PINX1: variants seen among roughly 807,000 people sequenced by gnomAD.
The protein encoded by PINX1 is PIN2 (TERF1) interacting telomerase inhibitor 1.
In PINX1, 34 loss-of-function variants were observed where a neutral mutation model predicts 25.4. The observed-to-expected ratio is 1.34, with a 90% CI of 1.02 to 1.78. PINX1 has a LOEUF of 1.78. PINX1 is among the 40% of genes most tolerant of loss of function. The probability of loss-of-function intolerance (pLI) is 0.00; values close to 1 mark genes in which losing one functional copy is unlikely to be tolerated. For synonymous variants in PINX1, 197 were observed against 147.7 expected (o/e 1.33, Z -2.42); for missense variants, 592 against 404.9 (o/e 1.46, Z -3.97).
intron 5 of PINX1, among the ~76,000 whole-genome samples, chr8:10,822,983 G>C (rs142880127): frequency 1.3e-5 from 2 of 152,268 alleles, no homozygotes; most frequent in East Asian, 1.9e-4. Context: ...CAAACACACA[G>C]AACTGGCAGT....
In PINX1 at chr8:10,839,744, C is replaced by A. The variant is rs373290895; in HGVS notation, c.13G>T (p.Ala5Ser). Reference sequence around the variant, plus strand: ...CTCCGCTTCCGACACTCACGTTCAGCCAGCATAGACATGTCGGAGAGCCTG... The same window carrying A: ...CTCCGCTTCCGACACTCACGTTCAGACAGCATAGACATGTCGGAGAGCCTG... Reference protein sequence around the residue: MSMLAERRRKQKWAV... With the variant: MSMLSERRRKQKWAV... The change falls in exon 1 of 7, where the codon GCT becomes TCT. Residue 5 changes from alanine to serine, a missense_variant. Coordinates refer to ENST00000314787, the MANE Select transcript of PINX1 (RefSeq NM_017884.6). The A allele has an allele frequency of 1.2e-6, 2 of 1,605,620 alleles. No individual in the cohort carries two copies. The highest frequency in any genetic ancestry group is 2.7e-5 in the African/African-American group (2 of 74,750).
At chr8:10,774,560 C>T (rs919062548) in intron 6 of PINX1, among the ~76,000 whole-genome samples, 3 of 152,100 alleles carry the variant, frequency 2.0e-5, no homozygotes, top group African/African-American at 2.4e-5. Context: ...GGATTACAGG[C>T]GTGAGCCACC....
In PINX1 at chr8:10,802,819, T is replaced by A. The variant is rs1802312164; in HGVS notation, c.471+17374A>T. Among the ~76,000 whole-genome samples the A allele has an allele frequency of 2.0e-5, 3 of 152,196 alleles. No individual in the cohort carries two copies. In the South Asian group the frequency reaches 6.2e-4, roughly 31 times the overall value. On this transcript the variant is annotated intron_variant, in intron 6 of 6. Transcript: ENST00000314787. ...TTCCAGTAAAGAACCAAGATATGGA[T>A]TCTCCTGGGACAACTATCTTTCTTC... is the stretch of plus-strand genomic sequence containing the variant.
chr8:10,775,409 GGT>G (rs1801357083), intron 6 of PINX1, among the ~76,000 whole-genome samples: 4 of 48,928 alleles, frequency 8.2e-5, no homozygotes, highest in African/African-American at 4.4e-4. Flanking sequence ...TCTGTTTTGT[GGT>G]TTTTTTTTTT....
At chr8:10,776,706 G>C (rs62492346) in intron 6 of PINX1, among the ~76,000 whole-genome samples, 1,594 of 152,224 alleles carry the variant, frequency 0.01, 19 homozygotes, top group Middle Eastern at 0.02. Context: ...CGTAAGGTCA[G>C]GAAGGGACCA....
chr8:10,769,789 C>A (rs1435840427), intron 6 of PINX1, among the ~76,000 whole-genome samples: 1 of 152,236 alleles, frequency 6.6e-6, no homozygotes, highest in Non-Finnish European at 1.5e-5. Context: ...AAAGCCCTTG[C>A]TCCCTGTACC....
At chr8:10,825,097 C>T (rs1035258380) in intron 5 of PINX1, among the ~76,000 whole-genome samples, 3 of 152,176 alleles carry the variant, frequency 2.0e-5, no homozygotes, top group Non-Finnish European at 4.4e-5. Context: ...ATCCCCAATC[C>T]ACTCAGCTCT....
chr8:10,792,831 T>C (rs1166418957), intron 6 of PINX1, among the ~76,000 whole-genome samples: 2 of 152,182 alleles, frequency 1.3e-5, no homozygotes, highest in African/African-American at 2.4e-5. Context: ...GTGAATTACT[T>C]AGCTCATAAT....
At chr8:10,807,326 CA>C (rs1368427672) in intron 6 of PINX1, among the ~76,000 whole-genome samples, 96 of 56,158 alleles carry the variant, frequency 1.7e-3, no homozygotes, top group African/African-American at 4.2e-3. Flanking sequence ...ATCCCCCCCC[CA>C]CCCCCCCCCC....
intron 6 of PINX1, among the ~76,000 whole-genome samples, chr8:10,818,571 G>A (rs1050384449): frequency 7.2e-5 from 11 of 152,278 alleles, no homozygotes; most frequent in South Asian, 2.1e-4. Flanking sequence ...GAGGGTGTCC[G>A]GGAGGGCAAA....
At chr8:10,766,509 C>T (rs758022295) in intron 6 of PINX1, among the ~76,000 whole-genome samples, 10 of 152,224 alleles carry the variant, frequency 6.6e-5, no homozygotes, top group Non-Finnish European at 1.5e-4. Context: ...CTGGCAGCTG[C>T]TCCTGAAGGG....
chr8:10,833,585 TGGGGTGCG>T (rs1259762914), intron 2 of PINX1: 7 of 81,806 alleles, frequency 8.6e-5, no homozygotes, highest in East Asian at 5.0e-4. Flanking sequence ...AAGAGACGAC[TGGGGTGCG>T]GGAGGCTGGA....
chr8:10,775,263 A>G (rs1163631748), intron 6 of PINX1, among the ~76,000 whole-genome samples: 1 of 152,186 alleles, frequency 6.6e-6, no homozygotes, highest in East Asian at 1.9e-4. Flanking sequence ...TCAGAATCCA[A>G]AAAGGTTCTT....
chr8:10,824,866 C>T (rs996780133), intron 5 of PINX1, among the ~76,000 whole-genome samples: 2 of 152,192 alleles, frequency 1.3e-5, no homozygotes, highest in Non-Finnish European at 2.9e-5. Flanking sequence ...AATGCTATTT[C>T]AGGGACTGGG....
chr8:10,800,822 A>G (rs1245647576), intron 6 of PINX1, among the ~76,000 whole-genome samples: 1 of 152,206 alleles, frequency 6.6e-6, no homozygotes. Context: ...GAAAAAGGAC[A>G]GCACTCTCTT....
At chr8:10,782,835 T>C (rs907153873) in intron 6 of PINX1, among the ~76,000 whole-genome samples, 2 of 152,180 alleles carry the variant, frequency 1.3e-5, no homozygotes, top group African/African-American at 2.4e-5. Context: ...ACGTCAAACA[T>C]TTCAATTCAC....
At chr8:10,812,435 G>A (rs914261308) in intron 6 of PINX1, among the ~76,000 whole-genome samples, 3 of 152,198 alleles carry the variant, frequency 2.0e-5, no homozygotes, top group Non-Finnish European at 4.4e-5. Flanking sequence ...GCATTTAGCT[G>A]GGACTCTTGC....
intron 6 of PINX1, among the ~76,000 whole-genome samples, chr8:10,810,586 A>T (rs1310475642): frequency 6.6e-6 from 1 of 152,188 alleles, no homozygotes; most frequent in Non-Finnish European, 1.5e-5. Context: ...AATTCTAGAT[A>T]TGAGGAAATA....
intron 6 of PINX1, among the ~76,000 whole-genome samples, chr8:10,773,991 A>G (rs550440383): frequency 1.3e-5 from 2 of 152,370 alleles, no homozygotes; most frequent in Admixed American, 1.3e-4. Context: ...ATGTCTAAAA[A>G]TAATCCAAAT....
Sources: gnomAD v4.1 joint callset for allele counts (sites outside exome capture counted in the v4.1 genomes callset) on GRCh38, gnomAD v4.1.1 for gene constraint, MANE v1.5 for transcripts, NCBI Gene and HGNC (gene_info 2026-07-23, HGNC 2026-07-21) for gene names.